BCAS3: variants seen among roughly 807,000 people sequenced by gnomAD.
BCAS3 encodes BCAS4/BCAS3 fusion.
A neutral mutation model predicts 116.1 loss-of-function variants in BCAS3; 53 were observed. That is an observed-to-expected ratio of 0.46 (90% CI 0.37 to 0.57). The LOEUF is 0.57. BCAS3 is among the 20% of genes least tolerant of loss of function. The pLI, the probability that BCAS3 is intolerant of heterozygous loss-of-function variation, is 0.00. For synonymous variants in BCAS3, 391 were observed against 408.2 expected (o/e 0.96, Z 0.51); for missense variants, 917 against 1,165.4 (o/e 0.79, Z 3.10).
At chr17:60,692,605 T>C (rs1165638502) in intron 4 of BCAS3, among the ~76,000 whole-genome samples, 1 of 151,702 alleles carries the variant, frequency 6.6e-6, no homozygotes, top group African/African-American at 2.4e-5. Context: ...GGCCAGGTGC[T>C]CACCTGTAGT....
At chr17:60,991,937 T>C (rs1043669649) in intron 15 of BCAS3, among the ~76,000 whole-genome samples, 2 of 152,192 alleles carry the variant, frequency 1.3e-5, no homozygotes, top group African/African-American at 4.8e-5. Flanking sequence ...TTGTAGTATA[T>C]ATTAACACTT....
intron 22 of BCAS3, among the ~76,000 whole-genome samples, chr17:61,334,541 G>C (rs1001405279): frequency 6.6e-6 from 1 of 151,798 alleles, no homozygotes; most frequent in Non-Finnish European, 1.5e-5. Flanking sequence ...GGCCCTGCCC[G>C]TATTCCCAGC....
Position 61,304,875 on chromosome 17 carries a change from T to C in BCAS3, c.2426-63452T>C, listed in dbSNP as rs556878636. On this transcript the variant is annotated intron_variant, in intron 22 of 23. Coordinates refer to ENST00000407086, the MANE Select transcript of BCAS3 (RefSeq NM_017679.5). ...TTCAAGGGATTCTTCTGCCTCAGCC[T>C]CCTGAGTAGCTGGGATTACAGGCGT... Among the ~76,000 whole-genome samples the C allele has an allele frequency of 2.6e-5, 4 of 152,122 alleles. No homozygotes were observed. In the East Asian group the frequency reaches 7.8e-4, roughly 30 times the overall value.
chr17:60,722,092 T>A (rs1467299124), intron 5 of BCAS3, among the ~76,000 whole-genome samples: 2 of 152,176 alleles, frequency 1.3e-5, no homozygotes, highest in Non-Finnish European at 2.9e-5. Flanking sequence ...TTTTGAAAAA[T>A]CCATTATATG....
At chr17:61,291,043 G>A (rs1327591881) in intron 22 of BCAS3, among the ~76,000 whole-genome samples, 1 of 152,056 alleles carries the variant, frequency 6.6e-6, no homozygotes, top group Admixed American at 6.5e-5. Context: ...GCCTCCCAAA[G>A]CGCTGGGATT....
At chr17:60,770,593 AT>A (rs2044580292) in intron 6 of BCAS3, among the ~76,000 whole-genome samples, 1 of 148,992 alleles carries the variant, frequency 6.7e-6, no homozygotes, top group Admixed American at 6.7e-5. Flanking sequence ...TAATTTTTGT[AT>A]TTTTAGTAGA....
chr17:60,918,564 CCTGT>C (rs1337016995), intron 12 of BCAS3, among the ~76,000 whole-genome samples: 2 of 151,964 alleles, frequency 1.3e-5, no homozygotes, highest in African/African-American at 2.4e-5. Context: ...TTGTACCCAA[CCTGT>C]CTTTCTTCAT....
rs2215294 is a variant in BCAS3, at chr17:61,181,185, A to C, written c.2425+96621A>C. The stretch of plus-strand genomic sequence containing the variant: ...CATTGAGCTGTAATAGCACCACTGC[A>C]CTCCATCCTGGGCAAAAGAGCAAAC... On this transcript the variant is annotated intron_variant, in intron 22 of 23. Transcript: ENST00000407086. This position sits in a 1 kb window ranked among gnomAD's most constrained non-coding sequence, Gnocchi z 5.0. Among the ~76,000 whole-genome samples the C allele has an allele frequency of 0.71, 108,210 of 152,070 alleles. 39,635 individuals are homozygous for C. The highest frequency in any genetic ancestry group is 0.87 in the South Asian group (4,191 of 4,812).
chr17:61,003,494 T>G (rs2064425614), intron 15 of BCAS3, among the ~76,000 whole-genome samples: 1 of 150,712 alleles, frequency 6.6e-6, no homozygotes, highest in African/African-American at 2.4e-5. Context: ...GGTTTTGCCA[T>G]TTTGCACAAT....
At chr17:60,869,108 T>A (rs1203846762) in intron 8 of BCAS3, among the ~76,000 whole-genome samples, 2 of 152,200 alleles carry the variant, frequency 1.3e-5, no homozygotes, top group African/African-American at 4.8e-5. Flanking sequence ...TATAAAAAAA[T>A]GCTTTAAAAT....
At chr17:60,786,338 C>A (rs1568248553) in intron 6 of BCAS3, among the ~76,000 whole-genome samples, 1 of 151,886 alleles carries the variant, frequency 6.6e-6, no homozygotes, top group Non-Finnish European at 1.5e-5. Context: ...TCTGATTCCA[C>A]CTTTGAAAAA....
intron 4 of BCAS3, among the ~76,000 whole-genome samples, chr17:60,705,446 C>T (rs1226953965): frequency 2.1e-5 from 3 of 142,744 alleles, no homozygotes; most frequent in Admixed American, 7.4e-5. Context: ...GCCTGGGAGG[C>T]GGAGTTTCAG....
chr17:61,335,330 G>T (rs1245147854), intron 22 of BCAS3, among the ~76,000 whole-genome samples: 1 of 152,194 alleles, frequency 6.6e-6, no homozygotes, highest in Non-Finnish European at 1.5e-5. Context: ...TATAGTCAAG[G>T]TCCCTAATGT....
chr17:61,055,697 C>T (rs1050022268), intron 19 of BCAS3, among the ~76,000 whole-genome samples: 24 of 152,266 alleles, frequency 1.6e-4, no homozygotes, highest in African/African-American at 5.3e-4. Context: ...TGCCAAATTA[C>T]TCTTCTAATT....
intron 22 of BCAS3, among the ~76,000 whole-genome samples, chr17:61,311,268 CCATATCAGCA>C (rs2054282817): frequency 6.6e-6 from 1 of 152,178 alleles, no homozygotes; most frequent in Non-Finnish European, 1.5e-5. Flanking sequence ...AGCTTACTTT[CCATATCAGCA>C]CATGTAGATG....
intron 7 of BCAS3, among the ~76,000 whole-genome samples, chr17:60,854,039 A>G (rs2053430217): frequency 1.3e-5 from 2 of 151,948 alleles, no homozygotes; most frequent in African/African-American, 4.8e-5. Context: ...TCCTAATGCT[A>G]TCCTTCCCCC....
intron 8 of BCAS3, among the ~76,000 whole-genome samples, chr17:60,873,923 C>T (rs758960878): frequency 3.9e-5 from 6 of 152,100 alleles, no homozygotes; most frequent in Non-Finnish European, 7.4e-5. Context: ...AGGCTGGTCT[C>T]AATCTCCTGG....
intron 5 of BCAS3, among the ~76,000 whole-genome samples, chr17:60,717,591 G>A (rs2038778786): frequency 6.6e-6 from 1 of 152,158 alleles, no homozygotes; most frequent in African/African-American, 2.4e-5. Context: ...AAGAATAAGA[G>A]ATTATGTCCA....
At chr17:60,858,703 A>C (rs1247438022) in intron 7 of BCAS3, among the ~76,000 whole-genome samples, 1 of 152,168 alleles carries the variant, frequency 6.6e-6, no homozygotes, top group East Asian at 1.9e-4. Context: ...TTGCGTCTCC[A>C]GCAGTAATGT....
Sources: gnomAD v4.1 joint callset for allele counts (sites outside exome capture counted in the v4.1 genomes callset) on GRCh38, gnomAD v4.1.1 for gene constraint, Gnocchi (gnomAD v3.1) non-coding constraint, MANE v1.5 for transcripts, NCBI Gene and HGNC (gene_info 2026-07-23, HGNC 2026-07-21) for gene names.